The following CCDC14 variants were observed in gnomAD, a reference collection of about 807,000 sequenced individuals.
CCDC14 encodes coiled-coil domain containing 14.
Under a neutral mutation model 81.4 loss-of-function variants are expected in CCDC14, and 71 were observed. The observed-to-expected ratio is 0.87, with a 90% CI of 0.72 to 1.06. The LOEUF (loss-of-function observed/expected upper bound fraction) is 1.06. Ranked by LOEUF, CCDC14 falls within the 50% of genes least tolerant of loss-of-function variation. The pLI is 0.00. For missense variants in CCDC14, 1,046 were observed against 1,047.3 expected (o/e 1.00, Z 0.02); for synonymous variants, 332 against 364.8 (o/e 0.91, Z 1.03).
In CCDC14 at chr3:123,955,949, A is replaced by C. The variant is rs558686400; in HGVS notation, c.246T>G (p.Tyr82Ter). The C allele has an allele frequency of 3.3e-6, 5 of 1,530,118 alleles. No individual in the cohort carries two copies. Among genetic ancestry groups the C allele is most frequent in the African/African-American group, 2.8e-5 (2 of 71,890 alleles). 94.8% of individuals were successfully genotyped at this position (1,530,118 alleles called of 1,614,324 possible). Residue 82 changes from tyrosine to a stop codon, truncating the protein, a stop_gained, in exon 5 of 13, where the codon TAT becomes TAG. Transcript: ENST00000409697. LOFTEE classifies it high-confidence loss of function. The part of the protein sequence containing the change: ...RNEDSGSETA[Y>*]LENRSNSRPL... ...GTCTAGAATTAGATCTGTTTTCTAA[A>C]TATGCTGTTTCTGAACCTATTAATA... is the stretch of plus-strand genomic sequence containing the variant.
rs2034815192 is a variant in CCDC14 at position 123,918,067 on chromosome 3, A to G, written c.1779-2349T>C. On this transcript the variant is annotated intron_variant, in intron 12 of 12. Coordinates refer to ENST00000409697, the MANE Select transcript of CCDC14 (RefSeq NM_001366335.1). ...TTCATTACATAAGGTTATATTAAGA[A>G]AAGCAGGCCATAAATAATCTAGACT... Among the ~76,000 whole-genome samples, 4 of 152,296 alleles carry G rather than the reference A, an allele frequency of 2.6e-5. No homozygotes were observed. The South Asian group carries it at 8.3e-4, about 32-fold the overall frequency.
intron 12 of CCDC14, among the ~76,000 whole-genome samples, chr3:123,916,577 G>C (rs1215160831): frequency 6.6e-6 from 1 of 151,648 alleles, no homozygotes; most frequent in Non-Finnish European, 1.5e-5. Context: ...GTACCAGAAA[G>C]GTGTATAACG....
the CCDC14 span, among the ~76,000 whole-genome samples, chr3:123,886,557 C>A: frequency 1.3e-5 from 2 of 152,008 alleles, no homozygotes; most frequent in Non-Finnish European, 2.9e-5. Flanking sequence ...GCCACCACAC[C>A]CAGCTAATTT....
chr3:123,903,349 G>A (rs1346160513), intron 5 of CCDC14, among the ~76,000 whole-genome samples: 2 of 145,720 alleles, frequency 1.4e-5, no homozygotes, highest in African/African-American at 5.4e-5. Context: ...CACACGACAA[G>A]CCACAGCATC....
chr3:123,918,567 AG>A (rs1341671610), intron 12 of CCDC14, among the ~76,000 whole-genome samples: 5 of 152,182 alleles, frequency 3.3e-5, no homozygotes, highest in Admixed American at 2.0e-4. Flanking sequence ...CAGGGTTAAA[AG>A]GAACAGTTTC....
chr3:123,901,221 A>C (rs1034832773), intron 5 of CCDC14, among the ~76,000 whole-genome samples: 12 of 152,036 alleles, frequency 7.9e-5, no homozygotes, highest in African/African-American at 2.7e-4. Flanking sequence ...AACAAGAGAG[A>C]AGCTCCATCT....
rs1431347596 is a variant in CCDC14 at position 123,956,380 on chromosome 3, G to C, written c.134C>G (p.Ser45Cys). The C allele has an allele frequency of 1.9e-6, 3 of 1,547,392 alleles. No individual in the cohort carries two copies. The highest frequency in any genetic ancestry group is 2.6e-6 in the Non-Finnish European group (3 of 1,144,720). The change falls in exon 3 of 13, where the codon TCC becomes TGC. Residue 45 changes from serine to cysteine, a missense_variant. By Grantham distance (112) the Ser-to-Cys change is moderately radical (BLOSUM62 -1). Coordinates refer to ENST00000409697, the MANE Select transcript of CCDC14 (RefSeq NM_001366335.1). ...IPRFNADSGY[S>C]IHSDSESQAE... ...CTGACTTTCTGAATCAGAATGGATG[G>C]AATAGCCAGAATCTGCATTAAAACG...
downstream of CCDC14, among the ~76,000 whole-genome samples, chr3:123,893,802 G>A (rs1197543591): frequency 6.6e-6 from 1 of 151,950 alleles, no homozygotes; most frequent in Non-Finnish European, 1.5e-5. Context: ...ATTTTGATTT[G>A]CATTACCCTA....
downstream of CCDC14, chr3:123,913,344 G>A: frequency 1.0e-6 from 1 of 979,774 alleles, no homozygotes; most frequent in Non-Finnish European, 1.2e-6. Context: ...GGGCCAAATA[G>A]GATTACCAGG....
chr3:123,955,623 A>G (rs909223744), intron 5 of CCDC14: 23 of 360,928 alleles, frequency 6.4e-5, no homozygotes, highest in African/African-American at 4.6e-4. Flanking sequence ...TCTCCTACAA[A>G]ACCCTGACAG....
At chr3:123,903,326 ACACACACACACACACACG>A (rs1302234239) in intron 5 of CCDC14, among the ~76,000 whole-genome samples, 1 of 107,620 alleles carries the variant, frequency 9.3e-6, no homozygotes, top group Admixed American at 9.1e-5. Context: ...ACACACACAC[ACACACACACACACACACG>A]ACAAGCCACA....
chr3:123,960,947 T>TA (rs1248760703), intron 1 of CCDC14, among the ~76,000 whole-genome samples, 197 bp downstream of exon 1: 6 of 152,200 alleles, frequency 3.9e-5, no homozygotes, highest in Non-Finnish European at 8.8e-5. Context: ...TACGACGATT[T>TA]AAACAGAAAC....
chr3:123,941,325 C>T (rs538685288), intron 9 of CCDC14, among the ~76,000 whole-genome samples: 9 of 151,904 alleles, frequency 5.9e-5, no homozygotes, highest in African/African-American at 1.4e-4. Flanking sequence ...ATCATAGAAA[C>T]GATGCATCTA....
chr3:123,915,205 G>C lies in CCDC14; in HGVS notation c.2292C>G (p.Ser764Arg). Reference protein sequence around the residue: ...QIRAATTQLVSNSGLAVSGKE... With the variant: ...QIRAATTQLVRNSGLAVSGKE... The stretch of plus-strand genomic sequence containing the variant: ...TTCCAGAGACAGCAAGTCCGCTGTT[G>C]CTGACTAGCTGTGTTGTAGCTGCTC... Residue 764 changes from serine to arginine, a missense_variant, in exon 13 of 13, where the codon AGC becomes AGG. By Grantham distance (110) the Ser-to-Arg change is moderately radical. Coordinates refer to ENST00000409697, the MANE Select transcript of CCDC14 (RefSeq NM_001366335.1). 1 of 1,613,722 alleles carries C rather than the reference G, an allele frequency of 6.2e-7. No homozygotes were observed. The highest frequency in any genetic ancestry group is 8.5e-7 in the Non-Finnish European group (1 of 1,179,736).
At chr3:123,916,212 T>C (rs1035763678) in intron 12 of CCDC14, among the ~76,000 whole-genome samples, 2 of 151,952 alleles carry the variant, frequency 1.3e-5, no homozygotes, top group African/African-American at 4.8e-5. Flanking sequence ...TTGGCCAGGC[T>C]GGTCTTAAAC....
chr3:123,947,116 T>G lies in CCDC14; in HGVS notation c.888A>C (p.Glu296Asp). The G allele has an allele frequency of 6.2e-7, 1 of 1,613,986 alleles. No individual in the cohort carries two copies. The highest frequency in any genetic ancestry group is 8.5e-7 in the Non-Finnish European group (1 of 1,179,874). Residue 296 changes from glutamate to aspartate, a missense_variant, in exon 8 of 13, where the codon GAA becomes GAC. Physicochemically the swap from Glu to Asp is conservative, Grantham distance 45. Transcript: ENST00000409697. ...TTTGAATACATTTTAGTAGGTCTGT[T>G]TCCTTATGAATTCCTTGTTGTGGCA... ...GILPQQGIHKETDLLKCIQTY... is the reference protein window; with the variant it reads ...GILPQQGIHKDTDLLKCIQTY...
At chr3:123,934,295 A>AC (rs2035936205) in intron 9 of CCDC14, among the ~76,000 whole-genome samples, 1 of 146,150 alleles carries the variant, frequency 6.8e-6, no homozygotes, top group South Asian at 2.2e-4. Flanking sequence ...AAAAAAAAAA[A>AC]CCCTCATGAG....
At position 123,914,254 on chromosome 3, in the gene CCDC14, G is replaced by A; in HGVS notation, c.*525C>T. Reference sequence around the variant, plus strand: ...TTAGACCAATCAATGTTTTTTAAGAGGTGTAGATACTGGTAACTTTTCTCT... The same window carrying A: ...TTAGACCAATCAATGTTTTTTAAGAAGTGTAGATACTGGTAACTTTTCTCT... On this transcript the variant is annotated 3_prime_UTR_variant, in exon 13 of 13. Coordinates refer to ENST00000409697, the MANE Select transcript of CCDC14 (RefSeq NM_001366335.1). 1 of 983,594 alleles carries A rather than the reference G, an allele frequency of 1.0e-6. No individual in the cohort carries two copies. The highest frequency in any genetic ancestry group is 1.2e-6 in the Non-Finnish European group (1 of 828,052). 60.9% of individuals were successfully genotyped at this position (983,594 alleles called of 1,614,324 possible).
chr3:123,933,460 G>A, intron 10 of CCDC14: 1 of 535,962 alleles, frequency 1.9e-6, no homozygotes, highest in East Asian at 3.1e-5. Context: ...TATATATGAA[G>A]AGAAGATATG....
Sources: allele counts gnomAD v4.1 joint callset (sites outside exome capture counted in the v4.1 genomes callset), GRCh38; gene constraint gnomAD v4.1.1; transcripts MANE v1.5; gene names NCBI Gene and HGNC (gene_info 2026-07-23, HGNC 2026-07-21).